CNTLN: variants seen among roughly 807,000 people sequenced by gnomAD.
CNTLN encodes the protein centlein.
In CNTLN, 212 loss-of-function variants were observed where a neutral mutation model predicts 180.0. That is an observed-to-expected ratio of 1.18 (90% CI 1.05 to 1.32). The LOEUF (loss-of-function observed/expected upper bound fraction) is 1.32, where lower values mean the gene tolerates loss of function less well. CNTLN is among the 40% of genes most tolerant of loss of function. CNTLN has a pLI of 0.00. For synonymous variants in CNTLN, 722 were observed against 563.1 expected (o/e 1.28, Z -3.99); for missense variants, 2,095 against 1,610.9 (o/e 1.30, Z -5.14).
chr9:17,353,439 T>G (rs1316035586), intron 12 of CNTLN, among the ~76,000 whole-genome samples: 2 of 151,972 alleles, frequency 1.3e-5, no homozygotes, highest in African/African-American at 4.8e-5. Flanking sequence ...AATTGTGGGT[T>G]TTGATTTGCA....
At chr9:17,259,391 G>A (rs1826770478) in intron 5 of CNTLN, among the ~76,000 whole-genome samples, 1 of 133,554 alleles carries the variant, frequency 7.5e-6, no homozygotes, top group Non-Finnish European at 1.6e-5. Flanking sequence ...ATTTTATTGA[G>A]GATTTTTGCA....
At chr9:17,468,644 T>C (rs1442089084) in intron 23 of CNTLN, among the ~76,000 whole-genome samples, 1 of 151,618 alleles carries the variant, frequency 6.6e-6, no homozygotes, top group Non-Finnish European at 1.5e-5. Context: ...AATCAGAAGT[T>C]TTCAAAATAG....
At chr9:17,154,812 G>T (rs77721223) in intron 2 of CNTLN, among the ~76,000 whole-genome samples, 1 of 152,218 alleles carries the variant, frequency 6.6e-6, no homozygotes, top group African/African-American at 2.4e-5. Context: ...CGTGGGCGGG[G>T]CCAAATAAGG....
intron 12 of CNTLN, among the ~76,000 whole-genome samples, chr9:17,350,488 A>G (rs1183530908): frequency 6.6e-6 from 1 of 152,170 alleles, no homozygotes; most frequent in African/African-American, 2.4e-5. Flanking sequence ...TAAAAGCAAT[A>G]ATAAGAGAAT....
At chr9:17,168,613 G>C (rs1338857734) in intron 2 of CNTLN, 2 of 152,140 alleles carry the variant, frequency 1.3e-5, no homozygotes, top group Non-Finnish European at 2.9e-5. Flanking sequence ...TTGCATATAA[G>C]TTAGCATAGC....
Position 17,415,864 on chromosome 9 carries a change from C to T in CNTLN, c.2873C>T (p.Thr958Ile), listed in dbSNP as rs1292066290. 3 of 1,611,604 alleles carry T rather than the reference C, an allele frequency of 1.9e-6. No homozygotes were observed. The highest frequency in any genetic ancestry group is 1.3e-5 in the African/African-American group (1 of 74,956). Residue 958 changes from threonine to isoleucine, a missense_variant, in exon 17 of 26, where the codon ACA (threonine) becomes ATA (isoleucine). Physicochemically the swap from Thr to Ile is moderately conservative, Grantham distance 89 (BLOSUM62 -1). Transcript: ENST00000380647. ...KNCKMQKSSH[T>I]AVPTRVNREK... ...TGCAAGATGCAAAAGAGTTCACATA[C>T]AGCAGTTCCTACTAGAGGTAAGAAT... is the stretch of plus-strand genomic sequence containing the variant.
intron 2 of CNTLN, among the ~76,000 whole-genome samples, chr9:17,215,990 T>C (rs368004505): frequency 3.9e-5 from 6 of 152,216 alleles, no homozygotes; most frequent in Admixed American, 2.6e-4. Flanking sequence ...CCCTGACCCC[T>C]TACACTTCCC....
rs1483160142 is a variant in CNTLN, at chr9:17,259,841, T to A, written c.850-13892T>A. ...GTGATATCCCCTTTATCATTTTTTA[T>A]TGCATCTATTTGATTCTTCTCTCTT... On this transcript the variant is annotated intron_variant, in intron 5 of 25. Coordinates refer to ENST00000380647, the MANE Select transcript of CNTLN (RefSeq NM_017738.4). 3.5e-5 allele frequency among the ~76,000 whole-genome samples: 5 copies of A among 140,908 alleles called. 1 individual carries two copies. The highest frequency in any genetic ancestry group is 1.5e-4 in the African/African-American group (5 of 34,454). The allele number at this position is 140,908 out of a possible 152,430, so 92.4% of individuals were successfully genotyped here.
chr9:17,487,763 C>T (rs775442661), intron 25 of CNTLN, among the ~76,000 whole-genome samples: 4 of 152,050 alleles, frequency 2.6e-5, no homozygotes, highest in Admixed American at 2.6e-4. Context: ...GATACTTTTT[C>T]TTCCCTTTCA....
intron 12 of CNTLN, among the ~76,000 whole-genome samples, chr9:17,353,070 T>C (rs1232975265): frequency 6.6e-6 from 1 of 152,178 alleles, no homozygotes; most frequent in Admixed American, 6.5e-5. Context: ...CTTTTGGGTA[T>C]AAACCTATGA....
At chr9:17,166,023 C>T (rs927433164) in intron 2 of CNTLN, among the ~76,000 whole-genome samples, 3 of 152,050 alleles carry the variant, frequency 2.0e-5, no homozygotes, top group Non-Finnish European at 2.9e-5. Flanking sequence ...GAATGTGAAA[C>T]AAATGATCAT....
intron 18 of CNTLN, among the ~76,000 whole-genome samples, chr9:17,446,308 G>C (rs1296638288): frequency 6.6e-6 from 1 of 152,128 alleles, no homozygotes; most frequent in Non-Finnish European, 1.5e-5. Flanking sequence ...CACAGGTGTG[G>C]AGGGGCAACC....
chr9:17,403,215 A>G lies in CNTLN; in HGVS notation c.2616-6078A>G, dbSNP rs183465239. ...TTCTGTGAACAAAATGACCCATTGTATAGATCTTGCCTATTTCACAGCTAT... is the reference window on the plus strand; with the variant it reads ...TTCTGTGAACAAAATGACCCATTGTGTAGATCTTGCCTATTTCACAGCTAT... On this transcript the variant is annotated intron_variant, in intron 15 of 25. Transcript: ENST00000380647. Among the ~76,000 whole-genome samples, 175 of 151,816 alleles carry G rather than the reference A, an allele frequency of 1.2e-3. 5 individuals carry two copies. Among genetic ancestry groups the G allele is most frequent in the African/African-American group, 4.1e-3 (167 of 41,194 alleles).
chr9:17,264,636 G>A (rs1422894400), intron 5 of CNTLN, among the ~76,000 whole-genome samples: 1 of 152,194 alleles, frequency 6.6e-6, no homozygotes, highest in Non-Finnish European at 1.5e-5. Flanking sequence ...ACCTTGGGCA[G>A]TATGGCCATT....
At chr9:17,292,172 T>C (rs1829460500) in intron 6 of CNTLN, among the ~76,000 whole-genome samples, 1 of 152,190 alleles carries the variant, frequency 6.6e-6, no homozygotes, top group African/African-American at 2.4e-5. Flanking sequence ...AAGTTTGCTG[T>C]TAGTCTAATG....
rs191077369 is a variant in CNTLN at position 17,184,743 on chromosome 9, C to T, written c.449+41367C>T. On this transcript the variant is annotated intron_variant, in intron 2 of 25. Coordinates refer to ENST00000380647, the MANE Select transcript of CNTLN (RefSeq NM_017738.4). ...ATTCATTAAAACAACAATAGGAATA[C>T]TCACACAATAACCATATTCAGAAAA... Among the ~76,000 whole-genome samples, 51 of 152,268 alleles carry T rather than the reference C, an allele frequency of 3.3e-4. 1 individual carries two copies. The highest frequency in any genetic ancestry group is 1.2e-3 in the African/African-American group (50 of 41,566).
At chr9:17,390,028 C>T (rs371556769) in intron 14 of CNTLN, among the ~76,000 whole-genome samples, 1 of 152,064 alleles carries the variant, frequency 6.6e-6, no homozygotes, top group Admixed American at 6.6e-5. Context: ...TAGCCATTTA[C>T]AAGCCAAGGA....
intron 2 of CNTLN, among the ~76,000 whole-genome samples, chr9:17,152,579 A>T (rs906807396): frequency 6.6e-6 from 1 of 152,156 alleles, no homozygotes; most frequent in Non-Finnish European, 1.5e-5. Flanking sequence ...TTTACTTGCA[A>T]TTATATGGTC....
At chr9:17,377,687 T>C (rs1824888679) in intron 13 of CNTLN, among the ~76,000 whole-genome samples, 1 of 152,244 alleles carries the variant, frequency 6.6e-6, no homozygotes. Flanking sequence ...TATAATTTTA[T>C]TGGGTTACAC....
Sources: allele counts gnomAD v4.1 joint callset (sites outside exome capture counted in the v4.1 genomes callset), GRCh38; gene constraint gnomAD v4.1.1; transcripts MANE v1.5; gene names NCBI Gene and HGNC (gene_info 2026-07-23, HGNC 2026-07-21).